Variants in SNTB1 observed in about 807,000 individuals in gnomAD.
SNTB1 encodes the protein beta-1-syntrophin.
A neutral mutation model predicts 48.9 loss-of-function variants in SNTB1; 36 were observed. The ratio of observed to expected loss-of-function variants is 0.74; its 90% CI spans 0.56 to 0.97. SNTB1 has a LOEUF of 0.97. SNTB1 is among the 50% of genes least tolerant of loss of function. SNTB1 has a pLI of 0.00. For missense variants in SNTB1, 786 were observed against 703.4 expected, an observed-to-expected ratio of 1.12 and a Z score of -1.33; for synonymous variants, 299 against 294.6, an observed-to-expected ratio of 1.01 and a Z score of -0.15.
chr8:120,761,048 A>G (rs1267961209), intron 1 of SNTB1, among the ~76,000 whole-genome samples: 1 of 152,216 alleles, frequency 6.6e-6, no homozygotes, highest in Non-Finnish European at 1.5e-5. Flanking sequence ...ACTATAAACA[A>G]GGAAAGGAAT....
At chr8:120,615,286 T>C (rs1385184775) in intron 3 of SNTB1, among the ~76,000 whole-genome samples, 1 of 152,176 alleles carries the variant, frequency 6.6e-6, no homozygotes, top group Non-Finnish European at 1.5e-5. Flanking sequence ...CATGAACTCA[T>C]TAGCTGCCCA....
intron 1 of SNTB1, among the ~76,000 whole-genome samples, chr8:120,716,604 A>G (rs12543043): frequency 0.16 from 24,312 of 152,120 alleles, 2,260 homozygotes; most frequent in African/African-American, 0.24. Context: ...GATACTAATG[A>G]GAACTTTTAG....
In SNTB1 at chr8:120,791,853, G is replaced by T. The variant is rs10282956; in HGVS notation, c.571+19420C>A. On this transcript the variant is annotated intron_variant, in intron 1 of 6. Transcript: ENST00000517992. Reference sequence around the variant, plus strand: ...GAAAATGGAACACTTATACACTGCTGGTGGGAATGTAAATTAGTACACCTC... The same window carrying T: ...GAAAATGGAACACTTATACACTGCTTGTGGGAATGTAAATTAGTACACCTC... Among the ~76,000 whole-genome samples, 357 of 152,004 alleles carry T rather than the reference G, an allele frequency of 2.3e-3. 1 individual carries two copies. The highest frequency in any genetic ancestry group is 8.2e-3 in the African/African-American group (341 of 41,476).
intron 3 of SNTB1, among the ~76,000 whole-genome samples, chr8:120,631,866 C>T (rs1816987111): frequency 6.6e-6 from 1 of 152,170 alleles, no homozygotes; most frequent in Non-Finnish European, 1.5e-5. Context: ...CCACTCCTGC[C>T]TAGCACTGTG....
intron 1 of SNTB1, among the ~76,000 whole-genome samples, chr8:120,735,795 A>G (rs925569152): frequency 2.0e-5 from 3 of 152,168 alleles, no homozygotes; most frequent in Admixed American, 6.5e-5. Flanking sequence ...GGAACAAATG[A>G]GCCATCTTTG....
At chr8:120,637,042 G>T in intron 2 of SNTB1, 2 of 369,682 alleles carry the variant, frequency 5.4e-6, no homozygotes, top group South Asian at 5.9e-5. Flanking sequence ...ATAAGTAACT[G>T]AACAACATTT....
chr8:120,681,389 G>C (rs1012193924), intron 2 of SNTB1, among the ~76,000 whole-genome samples: 1 of 152,184 alleles, frequency 6.6e-6, no homozygotes, highest in Non-Finnish European at 1.5e-5. Context: ...TGACTCTGCA[G>C]AGTGGAGGAA....
chr8:120,631,008 A>G (rs929387771), intron 3 of SNTB1, among the ~76,000 whole-genome samples: 2 of 152,202 alleles, frequency 1.3e-5, no homozygotes, highest in African/African-American at 2.4e-5. Context: ...CCTGGATCCC[A>G]CCATGCCTGA....
chr8:120,801,482 T>G (rs958291719), intron 1 of SNTB1, among the ~76,000 whole-genome samples: 13 of 152,102 alleles, frequency 8.5e-5, no homozygotes, highest in Non-Finnish European at 1.6e-4. Context: ...CTCCAGACTG[T>G]TCTATTTTAG....
chr8:120,762,826 T>A (rs1256609552), intron 1 of SNTB1, among the ~76,000 whole-genome samples: 1 of 152,034 alleles, frequency 6.6e-6, no homozygotes, highest in African/African-American at 2.4e-5. Context: ...AGAAAAAAAA[T>A]ACTAGGCAAT....
At chr8:120,593,556 G>A (rs1421976015) in intron 3 of SNTB1, among the ~76,000 whole-genome samples, 1 of 152,216 alleles carries the variant, frequency 6.6e-6, no homozygotes, top group East Asian at 1.9e-4. Context: ...AACAAATGAT[G>A]AGATAAAGGA....
chr8:120,546,690 G>A (rs1219506300), intron 5 of SNTB1, among the ~76,000 whole-genome samples: 6 of 151,998 alleles, frequency 3.9e-5, no homozygotes, highest in African/African-American at 7.3e-5. Context: ...GGCTGATCTC[G>A]AACTCCTCAC....
intron 4 of SNTB1, among the ~76,000 whole-genome samples, chr8:120,564,564 GTTT>G (rs71306893): frequency 2.4e-5 from 2 of 84,214 alleles, no homozygotes; most frequent in African/African-American, 9.0e-5. Flanking sequence ...TATTATTCTG[GTTT>G]TTTTTTTTTT....
chr8:120,587,330 C>G (rs914314531), intron 3 of SNTB1, among the ~76,000 whole-genome samples: 1 of 152,192 alleles, frequency 6.6e-6, no homozygotes, highest in Non-Finnish European at 1.5e-5. Context: ...TTTAAGAGTT[C>G]AGCACCTTTC....
chr8:120,642,392 C>A (rs1817210726), intron 2 of SNTB1, among the ~76,000 whole-genome samples: 1 of 152,176 alleles, frequency 6.6e-6, no homozygotes, highest in African/African-American at 2.4e-5. Context: ...CTGTCCCAGT[C>A]CTACTGAGTA....
At chr8:120,665,658 C>A (rs545503488) in intron 2 of SNTB1, among the ~76,000 whole-genome samples, 2 of 151,982 alleles carry the variant, frequency 1.3e-5, no homozygotes, top group Non-Finnish European at 2.9e-5. Flanking sequence ...AACTCAAATT[C>A]AAAAATGTTT....
At chr8:120,590,937 G>A (rs555343162) in intron 3 of SNTB1, among the ~76,000 whole-genome samples, 2 of 152,022 alleles carry the variant, frequency 1.3e-5, no homozygotes, top group South Asian at 2.1e-4. Context: ...CGCCGGCCTC[G>A]GCCTCCCAAA....
At chr8:120,782,889 A>G (rs532883867) in intron 1 of SNTB1, among the ~76,000 whole-genome samples, 12 of 152,326 alleles carry the variant, frequency 7.9e-5, no homozygotes, top group Admixed American at 2.6e-4. Flanking sequence ...TCAGAAAGAA[A>G]AACAAGGAAA....
intron 3 of SNTB1, among the ~76,000 whole-genome samples, chr8:120,611,969 C>T (rs534609915): frequency 6.6e-6 from 1 of 152,128 alleles, no homozygotes; most frequent in African/African-American, 2.4e-5. Context: ...AAGATCGGCT[C>T]ACATGTCTTC....
Sources: allele counts gnomAD v4.1 joint callset (sites outside exome capture counted in the v4.1 genomes callset), GRCh38; gene constraint gnomAD v4.1.1; transcripts MANE v1.5; gene names NCBI Gene and HGNC (gene_info 2026-07-23, HGNC 2026-07-21).